BRD10: variants seen among roughly 807,000 people sequenced by gnomAD.
The protein encoded by BRD10 is uncharacterized bromodomain-containing protein 10.
At chr9:5,958,472 T>C in the BRD10 span, among the ~76,000 whole-genome samples, 1 of 152,160 alleles carries the variant, frequency 6.6e-6, no homozygotes, top group Non-Finnish European at 1.5e-5. Context: ...CTACTCATAC[T>C]CAGACTTCCA....
At chr9:5,993,238 C>A in the BRD10 span, among the ~76,000 whole-genome samples, 29,300 of 148,634 alleles carry the variant, frequency 0.2, 3,093 homozygotes, top group Middle Eastern at 0.3. Context: ...TCACTGGAAC[C>A]TGGGAGACGG....
the BRD10 span, chr9:5,892,394 T>C: frequency 7.7e-7 from 1 of 1,292,940 alleles, no homozygotes; most frequent in East Asian, 2.4e-5. Context: ...CTTTATGAGA[T>C]GATGAATAGG....
At chr9:5,904,725 A>G in the BRD10 span, among the ~76,000 whole-genome samples, 893 of 151,044 alleles carry the variant, frequency 5.9e-3, 8 homozygotes, top group African/African-American at 0.021. Context: ...TTGGCCTCCC[A>G]AAGTGCTAGG....
chr9:5,979,661 T>G, the BRD10 span, among the ~76,000 whole-genome samples: 2 of 152,180 alleles, frequency 1.3e-5, no homozygotes, highest in Admixed American at 1.3e-4. Flanking sequence ...TATTCCAGAT[T>G]AATAGAAATT....
chr9:5,964,318 C>G, the BRD10 span, among the ~76,000 whole-genome samples: 1 of 151,464 alleles, frequency 6.6e-6, no homozygotes, highest in Admixed American at 6.6e-5. Context: ...CTCACCATCA[C>G]TGGCCATCAG....
At chr9:5,982,096 G>A in the BRD10 span, among the ~76,000 whole-genome samples, 2 of 151,794 alleles carry the variant, frequency 1.3e-5, no homozygotes, top group African/African-American at 2.4e-5. Flanking sequence ...TTATATGAAG[G>A]TTAAAGACAT....
At chr9:5,959,232 T>G in the BRD10 span, among the ~76,000 whole-genome samples, 1 of 152,282 alleles carries the variant, frequency 6.6e-6, no homozygotes, top group Non-Finnish European at 1.5e-5. Flanking sequence ...CTCGTTATAG[T>G]TATCATCTAC....
the BRD10 span, among the ~76,000 whole-genome samples, chr9:5,976,722 G>A: frequency 6.6e-6 from 1 of 150,968 alleles, no homozygotes; most frequent in Non-Finnish European, 1.5e-5. Flanking sequence ...ACTAGGAAGC[G>A]CCAAATAGTA....
chr9:5,949,625 A>G, the BRD10 span, among the ~76,000 whole-genome samples: 2 of 152,180 alleles, frequency 1.3e-5, no homozygotes, highest in Non-Finnish European at 2.9e-5. Flanking sequence ...ATGAAATGGG[A>G]GCAAGGGCAC....
the BRD10 span, among the ~76,000 whole-genome samples, chr9:5,900,139 T>C: frequency 6.6e-6 from 1 of 152,234 alleles, no homozygotes; most frequent in African/African-American, 2.4e-5. Flanking sequence ...ACAAATGCAG[T>C]AATTTTTCTT....
chr9:5,992,784 C>G, the BRD10 span, among the ~76,000 whole-genome samples: 2 of 151,262 alleles, frequency 1.3e-5, no homozygotes, highest in African/African-American at 4.9e-5. Context: ...TTTCAGAATT[C>G]AGAGGCTTGA....
chr9:5,888,252 A>G, the BRD10 span, among the ~76,000 whole-genome samples: 1 of 152,212 alleles, frequency 6.6e-6, no homozygotes, highest in African/African-American at 2.4e-5. Context: ...TGGGCTGTCC[A>G]AGATAGATCA....
the BRD10 span, among the ~76,000 whole-genome samples, chr9:5,959,764 A>G: frequency 1.3e-5 from 2 of 152,160 alleles, no homozygotes; most frequent in African/African-American, 2.4e-5. Context: ...CATTTCCTAT[A>G]AAGCAGCTCA....
chr9:5,893,521 G>T, the BRD10 span, among the ~76,000 whole-genome samples: 1 of 152,154 alleles, frequency 6.6e-6, no homozygotes, highest in Admixed American at 6.5e-5. Context: ...CCTGGTATAG[G>T]ATCCTCTAAT....
the BRD10 span, among the ~76,000 whole-genome samples, chr9:5,989,163 C>T: frequency 3.6e-5 from 5 of 140,326 alleles, no homozygotes; most frequent in Admixed American, 2.4e-4. Flanking sequence ...CAGGAGGAGG[C>T]AGAGGTTGTG....
At chr9:5,903,268 T>C in the BRD10 span, among the ~76,000 whole-genome samples, 3 of 152,234 alleles carry the variant, frequency 2.0e-5, no homozygotes, top group Non-Finnish European at 4.4e-5. Context: ...GTTAATGTTC[T>C]GAGCTTGAGA....
the BRD10 span, among the ~76,000 whole-genome samples, chr9:5,953,352 T>C: frequency 1.4e-4 from 22 of 152,232 alleles, 1 homozygote; most frequent in South Asian, 4.1e-3. Flanking sequence ...TTTTATAAAA[T>C]AGAAAATAAA....
At chr9:5,992,863 AACAT>A in the BRD10 span, among the ~76,000 whole-genome samples, 1 of 152,110 alleles carries the variant, frequency 6.6e-6, no homozygotes, top group Non-Finnish European at 1.5e-5. Context: ...ACTTATAGTT[AACAT>A]ACAAACTGAC....
At chr9:5,927,139 CT>C in the BRD10 span, among the ~76,000 whole-genome samples, 26 of 152,130 alleles carry the variant, frequency 1.7e-4, no homozygotes, top group Admixed American at 5.2e-4. Context: ...TCCCTTCTCA[CT>C]CTCAGTAACC....
Sources: allele counts gnomAD v4.1 joint callset (sites outside exome capture counted in the v4.1 genomes callset), GRCh38; gene constraint gnomAD v4.1.1; transcripts MANE v1.5; gene names NCBI Gene and HGNC (gene_info 2026-07-23, HGNC 2026-07-21).